Variants in DOCK2 observed in about 807,000 individuals in gnomAD.
The protein encoded by DOCK2 is dedicator of cytokinesis protein 2.
In DOCK2, 87 loss-of-function variants were observed where a neutral mutation model predicts 248.9. The observed-to-expected ratio is 0.35, with a 90% CI of 0.29 to 0.42. The LOEUF is 0.42. Ranked by LOEUF, DOCK2 falls within the 10% of genes least tolerant of loss-of-function variation. The probability of loss-of-function intolerance (pLI) is 1.00; values close to 1 mark genes in which losing one functional copy is unlikely to be tolerated. For synonymous variants in DOCK2, 805 were observed against 821.6 expected (o/e 0.98, Z 0.35); for missense variants, 1,747 against 2,300.2 (o/e 0.76, Z 4.92).
intron 1 of DOCK2, among the ~76,000 whole-genome samples, chr5:169,653,611 A>G (rs1429888988): frequency 6.6e-6 from 1 of 152,066 alleles, no homozygotes; most frequent in East Asian, 1.9e-4. Flanking sequence ...CTGGTCGGGG[A>G]GGAGCATGGG....
chr5:169,758,063 A>ATTT (rs141321312), intron 23 of DOCK2, among the ~76,000 whole-genome samples: 26 of 152,010 alleles, frequency 1.7e-4, no homozygotes, highest in Admixed American at 4.6e-4. Context: ...TACAAACAGT[A>ATTT]TTTTTTTTAC....
intron 27 of DOCK2, among the ~76,000 whole-genome samples, chr5:169,889,398 T>G (rs1417010893): frequency 1.3e-5 from 2 of 152,170 alleles, no homozygotes; most frequent in African/African-American, 4.8e-5. Context: ...ACTGTGGAGA[T>G]TCCAAGGAGG....
intron 27 of DOCK2, among the ~76,000 whole-genome samples, chr5:169,921,806 G>A (rs978914): frequency 0.33 from 50,908 of 152,126 alleles, 9,262 homozygotes; most frequent in South Asian, 0.4. Context: ...TTCTCCCAGA[G>A]CTCTTAATCG....
chr5:169,637,507 G>A (rs1031276620), intron 1 of DOCK2, 138 bp downstream of exon 1: 10 of 1,040,116 alleles, frequency 9.6e-6, no homozygotes, highest in Non-Finnish European at 1.2e-5. Flanking sequence ...CCTGCGGCGG[G>A]GCCTCGGGGC....
chr5:169,964,160 T>TG (rs1430681769), intron 27 of DOCK2, among the ~76,000 whole-genome samples: 1 of 152,148 alleles, frequency 6.6e-6, no homozygotes, highest in Non-Finnish European at 1.5e-5. Context: ...GATGCAGATT[T>TG]GGGGGAACTC....
At chr5:169,782,117 T>A (rs562679543) in intron 25 of DOCK2, among the ~76,000 whole-genome samples, 45 of 152,126 alleles carry the variant, frequency 3.0e-4, no homozygotes, top group African/African-American at 1.0e-3. Context: ...CTCAGAAAAT[T>A]TGTGGTATTT....
At chr5:170,048,222 C>T (rs887101827) in intron 40 of DOCK2, among the ~76,000 whole-genome samples, 1 of 151,774 alleles carries the variant, frequency 6.6e-6, no homozygotes, top group African/African-American at 2.4e-5. Context: ...TGAAACCCTG[C>T]CTCTACAAAA....
intron 14 of DOCK2, among the ~76,000 whole-genome samples, chr5:169,703,487 A>G (rs1379371357): frequency 1.3e-5 from 2 of 152,200 alleles, no homozygotes; most frequent in Admixed American, 6.5e-5. Context: ...GACTGGTTCC[A>G]GGCCCTCTGA....
Position 169,737,709 on chromosome 5 carries a change from G to A in DOCK2, c.2268-9687G>A, listed in dbSNP as rs543194493. Among the ~76,000 whole-genome samples the A allele has an allele frequency of 5.3e-5, 8 of 152,318 alleles. No homozygotes were observed. In the South Asian group the frequency reaches 1.2e-3, roughly 24 times the overall value. ...TAAAATCACAAAAGGACTGGGTTCT[G>A]AGAGAACCCAGCAATTCCAGACAGC... On this transcript the variant is annotated intron_variant, in intron 22 of 51. Transcript: ENST00000520908.
intron 10 of DOCK2, among the ~76,000 whole-genome samples, chr5:169,696,203 C>T (rs984557179): frequency 2.0e-5 from 3 of 152,194 alleles, no homozygotes; most frequent in African/African-American, 7.2e-5. Flanking sequence ...GAGCAGTTGA[C>T]ACCTTTGCTC....
chr5:169,847,792 A>G (rs1384819266), intron 27 of DOCK2, among the ~76,000 whole-genome samples: 1 of 152,200 alleles, frequency 6.6e-6, no homozygotes, highest in Non-Finnish European at 1.5e-5. Context: ...AGTGGGAAGA[A>G]CTTGGGAATT....
intron 27 of DOCK2, among the ~76,000 whole-genome samples, chr5:169,845,620 A>G (rs1233695639): frequency 6.6e-6 from 1 of 152,230 alleles, no homozygotes; most frequent in African/African-American, 2.4e-5. Context: ...CTTATTCAAC[A>G]AATGTGTTTT....
intron 22 of DOCK2, among the ~76,000 whole-genome samples, chr5:169,723,737 A>G (rs1762325480): frequency 6.6e-6 from 1 of 151,894 alleles, no homozygotes; most frequent in Admixed American, 6.6e-5. Context: ...TAAAATTGCA[A>G]CCCCTGTCCC....
chr5:169,888,427 T>C lies in DOCK2; in HGVS notation c.2799+47575T>C, dbSNP rs74998833. On this transcript the variant is annotated intron_variant, in intron 27 of 51. Transcript: ENST00000520908. ...AACACTTTATTCTGTCCTCCCTTGA[T>C]TATTGACTTTAGTGAACATGAACCA... is the stretch of plus-strand genomic sequence containing the variant. Among the ~76,000 whole-genome samples the C allele has an allele frequency of 9.5e-3, 1,451 of 152,326 alleles. 22 individuals are homozygous for C. The highest frequency in any genetic ancestry group is 0.033 in the African/African-American group (1,376 of 41,560).
intron 46 of DOCK2, among the ~76,000 whole-genome samples, chr5:170,074,696 C>A (rs1757783978): frequency 6.6e-6 from 1 of 152,174 alleles, no homozygotes; most frequent in African/African-American, 2.4e-5. Flanking sequence ...TGCCTGATGC[C>A]CCTAAGCCCA....
At chr5:169,855,858 T>C (rs1361904795) in intron 27 of DOCK2, among the ~76,000 whole-genome samples, 1 of 152,194 alleles carries the variant, frequency 6.6e-6, no homozygotes, top group African/African-American at 2.4e-5. Context: ...GATAAAGACA[T>C]ACCTGAGACT....
intron 14 of DOCK2, chr5:169,702,705 T>G (rs62384767): frequency 0.29 from 60,387 of 208,676 alleles, 9,187 homozygotes; most frequent in Admixed American, 0.43. Context: ...ATGTATTTAT[T>G]TATTTATTTA....
At chr5:170,063,588 G>T (rs79894622) in intron 44 of DOCK2, among the ~76,000 whole-genome samples, 1 of 152,132 alleles carries the variant, frequency 6.6e-6, no homozygotes, top group Non-Finnish European at 1.5e-5. Flanking sequence ...GCCAGAGGTT[G>T]GCACTTCACT....
chr5:169,908,361 A>C (rs1310683329), intron 27 of DOCK2, among the ~76,000 whole-genome samples: 13 of 152,148 alleles, frequency 8.5e-5, no homozygotes, highest in Admixed American at 8.5e-4. Flanking sequence ...GATTACTCAC[A>C]TGCATATAGG....
Sources: gnomAD v4.1 joint callset for allele counts (sites outside exome capture counted in the v4.1 genomes callset) on GRCh38, gnomAD v4.1.1 for gene constraint, MANE v1.5 for transcripts, NCBI Gene and HGNC (gene_info 2026-07-23, HGNC 2026-07-21) for gene names.